UCK1: variants seen among roughly 807,000 people sequenced by gnomAD.
UCK1 encodes cytidine monophosphokinase 1.
In UCK1, 20 loss-of-function variants were observed where a neutral mutation model predicts 34.0. That is an observed-to-expected ratio of 0.59 (90% CI 0.41 to 0.86). The LOEUF (loss-of-function observed/expected upper bound fraction) is 0.86. Ranked by LOEUF, UCK1 falls within the 40% of genes least tolerant of loss-of-function variation. The probability of loss-of-function intolerance (pLI) is 0.00; values close to 1 mark genes in which losing one functional copy is unlikely to be tolerated. For synonymous variants in UCK1, 168 were observed against 155.9 expected, an observed-to-expected ratio of 1.08 and a Z score of -0.58; for missense variants, 343 against 383.6, an observed-to-expected ratio of 0.89 and a Z score of 0.88.
intron 5 of UCK1, among the ~76,000 whole-genome samples, chr9:131,528,171 C>G (rs1260399878): frequency 2.2e-4 from 5 of 22,438 alleles, no homozygotes. Context: ...GAGACCCTAT[C>G]TCAAAAAAAA....
Position 131,531,071 on chromosome 9 carries a change from C to T in UCK1, c.104G>A (p.Gly35Glu). The T allele has an allele frequency of 7.1e-7, 1 of 1,401,674 alleles. No homozygotes were observed. The highest frequency in any genetic ancestry group is 9.3e-7 in the Non-Finnish European group (1 of 1,080,302). 86.8% of individuals were successfully genotyped at this position (1,401,674 alleles called of 1,614,324 possible). A position where few individuals can be genotyped will look rare whatever the true frequency, so the allele number is the denominator to read the frequency against. The change falls in exon 1 of 7, where the codon GGG becomes GAG. Residue 35 changes from glycine to glutamate, a missense_variant. Gly to Glu is a moderately conservative substitution (Grantham distance 98, BLOSUM62 -2). Transcript: ENST00000372215. The part of the protein sequence containing the change: ...LIGVSGGTAS[G>E]KSTVCEKIME... ...CCGGCCCGCTCGGCCCCTTACCTTC[C>T]CGCTGGCAGTGCCGCCGCTCACCCC...
rs773284540 is a variant in UCK1, at chr9:131,529,121, GC to G, written c.508+6del. The G allele has an allele frequency of 9.7e-5, 156 of 1,613,622 alleles. No homozygotes were observed. Among genetic ancestry groups the G allele is most frequent in the Non-Finnish European group, 1.7e-5 (20 of 1,179,844 alleles). ...CAGGCAGGCACGGAGGCCCGCGGCCGCCTTACCTCTTCGAGACAGCCTGACG... is the reference window on the plus strand; with the variant it reads ...CAGGCAGGCACGGAGGCCCGCGGCCGCTTACCTCTTCGAGACAGCCTGACG... On this transcript the variant is annotated splice_donor_region_variant and intron_variant, in intron 4 of 6. Coordinates refer to ENST00000372215, the MANE Select transcript of UCK1 (RefSeq NM_031432.5).
chr9:131,530,838 C>G (rs1950813014), intron 1 of UCK1, among the ~76,000 whole-genome samples, 193 bp from the exon 2 acceptor site: 1 of 152,180 alleles, frequency 6.6e-6, no homozygotes, highest in Admixed American at 6.5e-5. Flanking sequence ...CTTGGGGCTC[C>G]GAGGAGCCCG....
intron 5 of UCK1, chr9:131,526,412 T>C (rs1224765169): frequency 7.7e-7 from 1 of 1,294,618 alleles, no homozygotes; most frequent in Non-Finnish European, 1.0e-6. Flanking sequence ...CCGTGCATAA[T>C]TACTGCAGGC....
At chr9:131,530,360 G>C (rs1588539503) in intron 2 of UCK1, 126 bp downstream of exon 2, 1 of 1,122,622 alleles carries the variant, frequency 8.9e-7, no homozygotes, top group African/African-American at 1.5e-5. Flanking sequence ...ACTGCAGGCT[G>C]CGTGGCGAGT....
chr9:131,530,735 C>A (rs766898983), intron 1 of UCK1, 90 bp from the exon 2 acceptor site: 2 of 1,611,628 alleles, frequency 1.2e-6, no homozygotes, highest in Non-Finnish European at 1.7e-6. Flanking sequence ...CCCACCCGCC[C>A]CCTGGGGGGT....
intron 2 of UCK1, 72 bp downstream of exon 2, chr9:131,530,414 C>T (rs1205429826): frequency 6.3e-7 from 1 of 1,581,426 alleles, no homozygotes; most frequent in Non-Finnish European, 8.7e-7. Context: ...CAACCTTGGG[C>T]CCAAGCGCAG....
Position 131,525,124 on chromosome 9 carries a change from C to T in UCK1, c.750G>A (p.Arg250=). The change falls in exon 7 of 7, where the codon CGG becomes CGA. Residue 250 remains arginine (R), a synonymous_variant. Transcript: ENST00000372215. ...GGTGGTCCCCTGGCTCAGAAAAGGT[C>T]CGCTTGTAGCTCCGCCCATTGGACC... ...RGGSNGRSYK[R]TFSEPGDHPG... The T allele has an allele frequency of 1.2e-6, 2 of 1,614,054 alleles. No individual in the cohort carries two copies. The highest frequency in any genetic ancestry group is 1.7e-6 in the Non-Finnish European group (2 of 1,180,030).
rs1193273475 is a variant in UCK1 at position 131,524,299 on chromosome 9, AC to A, written c.*740del. On this transcript the variant is annotated 3_prime_UTR_variant, in exon 7 of 7. Transcript: ENST00000372215. Reference sequence around the variant, plus strand: ...GGACGCTGTTCTCCAGCCGGGACAGACCTGGCCTCCGCTGCCTTCTGCCCTA... The same window carrying A: ...GGACGCTGTTCTCCAGCCGGGACAGACTGGCCTCCGCTGCCTTCTGCCCTA... The A allele has an allele frequency of 6.6e-6, 1 of 152,348 alleles. No homozygotes were observed. The highest frequency in any genetic ancestry group is 2.4e-5 in the African/African-American group (1 of 41,450). 9.4% of individuals were successfully genotyped at this position (152,348 alleles called of 1,614,324 possible).
Position 131,531,245 on chromosome 9 carries a change from G to GGCGCGCCCGCC in UCK1, c.-72_-71insGGCGGGCGCGC. 2 of 1,281,210 alleles carry GGCGCGCCCGCC rather than the reference G, an allele frequency of 1.6e-6. No individual in the cohort carries two copies. The highest frequency in any genetic ancestry group is 3.3e-5 in the African/African-American group (2 of 59,818). 79.4% of individuals were successfully genotyped at this position (1,281,210 alleles called of 1,614,324 possible). On this transcript the variant is annotated 5_prime_UTR_variant, in exon 1 of 7. Transcript: ENST00000372215. ...CCCAGGCCCGGCGCGCCCGCCCAGC[G>GGCGCGCCCGCC]CCGAGGTCGGAGGCAACCGGAGCGA...
Position 131,525,947 on chromosome 9 carries a change from G to C in UCK1, c.634C>G (p.Arg212Gly). The C allele has an allele frequency of 6.2e-7, 1 of 1,614,032 alleles. No individual in the cohort carries two copies. Among genetic ancestry groups the C allele is most frequent in the Middle Eastern group, 1.6e-4 (1 of 6,062 alleles). Reference sequence around the variant, plus strand: ...TTCTTACCCATATTGTCCACTCCTCGCGGGATGATCACATCGGCATACTTC... The same window carrying C: ...TTCTTACCCATATTGTCCACTCCTCCCGGGATGATCACATCGGCATACTTC... ...TKKYADVIIP[R>G]GVDNMVAINL... Residue 212 changes from arginine to glycine, a missense_variant, in exon 6 of 7, where the codon CGA becomes GGA. Coordinates refer to ENST00000372215, the MANE Select transcript of UCK1 (RefSeq NM_031432.5).
chr9:131,526,282 C>A (rs1193083882), intron 5 of UCK1: 1 of 731,576 alleles, frequency 1.4e-6, no homozygotes, highest in African/African-American at 1.7e-5. Context: ...CAGCTGGCTA[C>A]GCTAACGACT....
rs753356380 is a variant in UCK1, at chr9:131,529,084, G to A, written c.508+44C>T. 6 of 1,613,256 alleles carry A rather than the reference G, an allele frequency of 3.7e-6. No individual in the cohort carries two copies. In the East Asian group the frequency reaches 1.3e-4, roughly 36 times the overall value. On this transcript the variant is annotated intron_variant, in intron 4 of 6. Coordinates refer to ENST00000372215, the MANE Select transcript of UCK1 (RefSeq NM_031432.5). ...CGTGCTTCAGACCTCAGGACCTGCCGCCAGCCTCGGCCAGGCAGGCACGGA... is the reference window on the plus strand; with the variant it reads ...CGTGCTTCAGACCTCAGGACCTGCCACCAGCCTCGGCCAGGCAGGCACGGA...
Position 131,523,923 on chromosome 9 carries a change from A to G in UCK1, c.*1117T>C, listed in dbSNP as rs1358470659. On this transcript the variant is annotated 3_prime_UTR_variant, in exon 7 of 7. Transcript: ENST00000372215. ...CCCCCTTCCCCCACGTCACGTCTGC[A>G]TCACTACTGTGGGTGAGCCTGGACG... 3 of 152,546 alleles carry G rather than the reference A, an allele frequency of 2.0e-5. No individual in the cohort carries two copies. The highest frequency in any genetic ancestry group is 4.4e-5 in the Non-Finnish European group (3 of 68,312). The allele number at this position is 152,546 out of a possible 1,614,324, so 9.4% of individuals were successfully genotyped here. A position where few individuals can be genotyped will look rare whatever the true frequency, so the allele number is the denominator to read the frequency against.
rs1429849633 is a variant in UCK1, at chr9:131,529,331, C to T, written c.366-61G>A. 4.4e-6 allele frequency: 7 copies of T among 1,608,994 alleles called. No homozygotes were observed. In the African/African-American group the frequency reaches 5.3e-5, roughly 12 times the overall value. ...ACACAGGGTCTCCAGGCCACACACACAGTCAGCTTCCATTGCAGGGACACT... is the reference window on the plus strand; with the variant it reads ...ACACAGGGTCTCCAGGCCACACACATAGTCAGCTTCCATTGCAGGGACACT... On this transcript the variant is annotated intron_variant, in intron 3 of 6. Coordinates refer to ENST00000372215, the MANE Select transcript of UCK1 (RefSeq NM_031432.5).
chr9:131,525,766 C>T (rs1950580359), intron 6 of UCK1, among the ~76,000 whole-genome samples, 163 bp downstream of exon 6: 1 of 152,200 alleles, frequency 6.6e-6, no homozygotes, highest in South Asian at 2.1e-4. Flanking sequence ...AGGCACCGCG[C>T]CCAGCTACAT....
chr9:131,530,953 G>T, intron 1 of UCK1, 114 bp downstream of exon 1: 2 of 1,036,602 alleles, frequency 1.9e-6, no homozygotes, highest in Admixed American at 4.2e-5. Context: ...TCGCTCCCGC[G>T]CCCTGCCCCT....
At chr9:131,529,649 T>C (rs547096640) in intron 2 of UCK1, 65 bp from the exon 3 acceptor site, 2 of 1,492,624 alleles carry the variant, frequency 1.3e-6, no homozygotes, top group East Asian at 2.3e-5. Context: ...CAGGGAACCC[T>C]CTCTGCTCTG....
intron 5 of UCK1, among the ~76,000 whole-genome samples, chr9:131,528,054 A>G (rs961974976): frequency 2.0e-5 from 3 of 151,910 alleles, no homozygotes; most frequent in Admixed American, 2.0e-4. Context: ...TACGCCTGTA[A>G]TCCCAGCTAC....
Sources: allele counts gnomAD v4.1 joint callset (sites outside exome capture counted in the v4.1 genomes callset), GRCh38; gene constraint gnomAD v4.1.1; transcripts MANE v1.5; gene names NCBI Gene and HGNC (gene_info 2026-07-23, HGNC 2026-07-21).